HRK: variants seen among roughly 807,000 people sequenced by gnomAD.
HRK encodes the protein activator of apoptosis harakiri.
Under a neutral mutation model 5.9 loss-of-function variants are expected in HRK, and 6 were observed. That is an observed-to-expected ratio of 1.02 (90% CI 0.56 to 2.01). The LOEUF is 2.01. Ranked by LOEUF, HRK falls within the 30% of genes most tolerant of loss-of-function variation. HRK has a pLI of 0.00. For missense variants in HRK, 133 were observed against 128.3 expected (o/e 1.04, Z -0.18); for synonymous variants, 85 against 65.1 (o/e 1.31, Z -1.47).
At position 116,881,243 on chromosome 12, in the gene HRK, C is replaced by T; in HGVS notation, c.65G>A (p.Arg22His). Residue 22 changes from arginine (R) to histidine (H), a missense_variant, in exon 1 of 2, where the codon CGC (arginine) becomes CAC (histidine). Arg to His is a conservative substitution (Grantham distance 29). Coordinates refer to ENST00000257572, the MANE Select transcript of HRK (RefSeq NM_003806.4). ...PPAVCACSAGRLGLRSSAAQL... is the reference protein window; with the variant it reads ...PPAVCACSAGHLGLRSSAAQL... ...CGCGGCGGACGAGCGCAGCCCCAGG[C>T]GACCCGCGCTGCAGGCGCACACGGC... 2.7e-6 allele frequency: 3 copies of T among 1,099,372 alleles called. No individual in the cohort carries two copies. The highest frequency in any genetic ancestry group is 3.3e-6 in the Non-Finnish European group (3 of 905,242). The allele number at this position is 1,099,372 out of a possible 1,614,324, so 68.1% of individuals were successfully genotyped here.
Position 116,862,096 on chromosome 12 carries a change from G to A in HRK, c.*57-630C>T, listed in dbSNP as rs577669017. ...ACGTGGTCTATAGGAGCCCAGGGGA[G>A]GCAGCTCATAAGGGAGACAAAGCAG... On this transcript the variant is annotated intron_variant, in intron 1 of 1. Transcript: ENST00000257572. This position sits in a 1 kb window ranked among gnomAD's most constrained non-coding sequence, Gnocchi z 4.0. Among the ~76,000 whole-genome samples the A allele has an allele frequency of 6.2e-4, 94 of 152,296 alleles. No homozygotes were observed. The highest frequency in any genetic ancestry group is 2.0e-3 in the African/African-American group (84 of 41,562).
rs552006144 is a variant in HRK at position 116,862,411 on chromosome 12, T to C, written c.*57-945A>G. 1.4e-3 allele frequency among the ~76,000 whole-genome samples: 210 copies of C among 152,246 alleles called. 1 individual carries two copies. The highest frequency in any genetic ancestry group is 3.5e-3 in the Admixed American group (53 of 15,298). On this transcript the variant is annotated intron_variant, in intron 1 of 1. Coordinates refer to ENST00000257572, the MANE Select transcript of HRK (RefSeq NM_003806.4). The surrounding 1 kb of genome is among the most constrained non-coding windows in gnomAD (Gnocchi z 4.0). ...CAAAAAGGAATGAAGTATTGATACGTGAAGATGGATGAACCTTGAAGGCAT... is the reference window on the plus strand; with the variant it reads ...CAAAAAGGAATGAAGTATTGATACGCGAAGATGGATGAACCTTGAAGGCAT...
Position 116,878,444 on chromosome 12 carries a change from T to G in HRK, c.*56+2532A>C, listed in dbSNP as rs1445810339. ...TTCCTCCGGTGATTTTTCTTTCCCC[T>G]TTACTTAACTTACCAGAGCTGGGAA... On this transcript the variant is annotated intron_variant, in intron 1 of 1. Transcript: ENST00000257572. This position sits in a 1 kb window ranked among gnomAD's most constrained non-coding sequence, Gnocchi z 4.4. 1 of 152,266 alleles carries G rather than the reference T, an allele frequency of 6.6e-6. No homozygotes were observed. The highest frequency in any genetic ancestry group is 1.5e-5 in the Non-Finnish European group (1 of 68,088). 9.4% of individuals were successfully genotyped at this position (152,266 alleles called of 1,614,324 possible).
Position 116,858,737 on chromosome 12 carries a change from A to G in HRK, c.*2786T>C, listed in dbSNP as rs1309422479. On this transcript the variant is annotated 3_prime_UTR_variant, in exon 2 of 2. Coordinates refer to ENST00000257572, the MANE Select transcript of HRK (RefSeq NM_003806.4). Reference sequence around the variant, plus strand: ...TCTGCAGTGAAGCTAATCAAAATCAATGACTCCTTGGCAGCCAGAGAAAAG... The same window carrying G: ...TCTGCAGTGAAGCTAATCAAAATCAGTGACTCCTTGGCAGCCAGAGAAAAG... 2 of 151,498 alleles carry G rather than the reference A, an allele frequency of 1.3e-5. No homozygotes were observed. The highest frequency in any genetic ancestry group is 2.9e-5 in the Non-Finnish European group (2 of 67,940). 9.4% of individuals were successfully genotyped at this position (151,498 alleles called of 1,614,324 possible). A position where few individuals can be genotyped will look rare whatever the true frequency, so the allele number is the denominator to read the frequency against.
At chr12:116,874,047 G>A (rs1003629966) in intron 1 of HRK, among the ~76,000 whole-genome samples, 1 of 152,200 alleles carries the variant, frequency 6.6e-6, no homozygotes, top group Non-Finnish European at 1.5e-5. Context: ...GTGGGCATGA[G>A]TGAGTTGGTT....
In HRK at chr12:116,858,602, A is replaced by C. The variant is rs1427341713; in HGVS notation, c.*2921T>G. The C allele has an allele frequency of 6.6e-6, 1 of 151,216 alleles. No individual in the cohort carries two copies. Among genetic ancestry groups the C allele is most frequent in the African/African-American group, 2.4e-5 (1 of 40,954 alleles). 9.4% of individuals were successfully genotyped at this position (151,216 alleles called of 1,614,324 possible). A position where few individuals can be genotyped will look rare whatever the true frequency, so the allele number is the denominator to read the frequency against. ...CACACACACACACACACACACACAC[A>C]CACACACACACACACACACACTGCT... is the stretch of plus-strand genomic sequence containing the variant. On this transcript the variant is annotated 3_prime_UTR_variant, in exon 2 of 2. Coordinates refer to ENST00000257572, the MANE Select transcript of HRK (RefSeq NM_003806.4).
At chr12:116,863,072 G>A (rs1277061580) in intron 1 of HRK, among the ~76,000 whole-genome samples, 1 of 152,168 alleles carries the variant, frequency 6.6e-6, no homozygotes, top group Admixed American at 6.5e-5. Flanking sequence ...TAAGTTAGCG[G>A]GGGAGATAAG....
intron 1 of HRK, among the ~76,000 whole-genome samples, chr12:116,877,076 A>G (rs1292485172): frequency 6.6e-6 from 1 of 152,176 alleles, no homozygotes; most frequent in Non-Finnish European, 1.5e-5. Context: ...TTGAGACAAG[A>G]GTCTCACTTT....
intron 1 of HRK, among the ~76,000 whole-genome samples, chr12:116,880,327 G>T (rs776508721): frequency 6.6e-6 from 1 of 152,196 alleles, no homozygotes; most frequent in Non-Finnish European, 1.5e-5. Flanking sequence ...TCCTTAAACA[G>T]GACACCTCAC....
chr12:116,859,585 G>A lies in HRK; in HGVS notation c.*1938C>T, dbSNP rs1242377097. 6.6e-6 allele frequency: 1 copy of A among 152,042 alleles called. No homozygotes were observed. Among genetic ancestry groups the A allele is most frequent in the Non-Finnish European group, 1.5e-5 (1 of 68,014 alleles). 9.4% of individuals were successfully genotyped at this position (152,042 alleles called of 1,614,324 possible). On this transcript the variant is annotated 3_prime_UTR_variant, in exon 2 of 2. Coordinates refer to ENST00000257572, the MANE Select transcript of HRK (RefSeq NM_003806.4). Reference sequence around the variant, plus strand: ...GTCCCCTGCAAACATCAGCTAGGGGGAGGGCACGAGTAATGAGGAGAAACA... The same window carrying A: ...GTCCCCTGCAAACATCAGCTAGGGGAAGGGCACGAGTAATGAGGAGAAACA...
In HRK at chr12:116,858,941, T is replaced by C. The variant is rs546983678; in HGVS notation, c.*2582A>G. 2.6e-5 allele frequency: 4 copies of C among 152,124 alleles called. No homozygotes were observed. The highest frequency in any genetic ancestry group is 9.6e-5 in the African/African-American group (4 of 41,494). The allele number at this position is 152,124 out of a possible 1,614,324, so 9.4% of individuals were successfully genotyped here. A position where few individuals can be genotyped will look rare whatever the true frequency, so the allele number is the denominator to read the frequency against. On this transcript the variant is annotated 3_prime_UTR_variant, in exon 2 of 2. Coordinates refer to ENST00000257572, the MANE Select transcript of HRK (RefSeq NM_003806.4). ...TTCAATTTCCTAATACAAATGTCCATCAAGAAGTCAAATCTCATATAAAAA... is the reference window on the plus strand; with the variant it reads ...TTCAATTTCCTAATACAAATGTCCACCAAGAAGTCAAATCTCATATAAAAA...
At chr12:116,876,828 A>T (rs1384874599) in intron 1 of HRK, 1 of 152,356 alleles carries the variant, frequency 6.6e-6, no homozygotes, top group Admixed American at 6.5e-5. Flanking sequence ...TCACTTGTAC[A>T]GGAATTCACT....
intron 1 of HRK, among the ~76,000 whole-genome samples, chr12:116,867,438 C>T (rs578198886): frequency 7.9e-4 from 121 of 152,220 alleles, no homozygotes; most frequent in South Asian, 2.9e-3. Context: ...GCCACTGCGC[C>T]CGGCCACAAA....
Position 116,862,187 on chromosome 12 carries a change from A to G in HRK, c.*57-721T>C, listed in dbSNP as rs1265850557. 6.6e-6 allele frequency among the ~76,000 whole-genome samples: 1 copy of G among 152,242 alleles called. No individual in the cohort carries two copies. The highest frequency in any genetic ancestry group is 2.4e-5 in the African/African-American group (1 of 41,468). ...GAGTGCCAGGAAACTAACCAGGATA[A>G]GAAAATGAGGCATCCTAGGCAGGGC... On this transcript the variant is annotated intron_variant, in intron 1 of 1. Transcript: ENST00000257572. The surrounding 1 kb of genome is among the most constrained non-coding windows in gnomAD (Gnocchi z 4.0).
At chr12:116,875,535 CT>C (rs1225305188) in intron 1 of HRK, among the ~76,000 whole-genome samples, 1 of 151,932 alleles carries the variant, frequency 6.6e-6, no homozygotes, top group Non-Finnish European at 1.5e-5. Context: ...TGCATAGTTT[CT>C]TTTTTTATTT....
Position 116,860,759 on chromosome 12 carries a change from G to C in HRK, c.*764C>G, listed in dbSNP as rs369917037. On this transcript the variant is annotated 3_prime_UTR_variant, in exon 2 of 2. Transcript: ENST00000257572. ...AAACAGCAAAATAGAAATCTCTCTT[G>C]TCCCCTGGCCTTCCAAGTCTGTCAA... 6.6e-6 allele frequency: 1 copy of C among 150,690 alleles called. No individual in the cohort carries two copies. Among genetic ancestry groups the C allele is most frequent in the African/African-American group, 2.4e-5 (1 of 40,954 alleles). The allele number at this position is 150,690 out of a possible 1,614,324, so 9.3% of individuals were successfully genotyped here. A position where few individuals can be genotyped will look rare whatever the true frequency, so the allele number is the denominator to read the frequency against.
chr12:116,869,121 G>A (rs894335318), intron 1 of HRK, among the ~76,000 whole-genome samples: 31 of 152,064 alleles, frequency 2.0e-4, no homozygotes, highest in Non-Finnish European at 1.0e-4. Context: ...CTACAGGTGT[G>A]TGCCACAATG....
In HRK at chr12:116,881,401, G is replaced by C. The variant is rs901442958; in HGVS notation, c.-94C>G. 1.6e-5 allele frequency: 16 copies of C among 989,570 alleles called. No homozygotes were observed. Among genetic ancestry groups the C allele is most frequent in the Non-Finnish European group, 1.9e-5 (16 of 827,662 alleles). The allele number at this position is 989,570 out of a possible 1,614,324, so 61.3% of individuals were successfully genotyped here. A position where few individuals can be genotyped will look rare whatever the true frequency, so the allele number is the denominator to read the frequency against. ...CCGCTGCCGCCGCGCTCCAGCCGCCGGGGGCCTCCCCTGGACACCAAGTTT... is the reference window on the plus strand; with the variant it reads ...CCGCTGCCGCCGCGCTCCAGCCGCCCGGGGCCTCCCCTGGACACCAAGTTT... On this transcript the variant is annotated 5_prime_UTR_variant, in exon 1 of 2. Coordinates refer to ENST00000257572, the MANE Select transcript of HRK (RefSeq NM_003806.4).
At chr12:116,876,744 A>G (rs1016443231) in intron 1 of HRK, 1 of 152,132 alleles carries the variant, frequency 6.6e-6, no homozygotes, top group African/African-American at 2.4e-5. Context: ...TGACTGGTTA[A>G]ATCATACCCA....
Sources: gnomAD v4.1 joint callset for allele counts (sites outside exome capture counted in the v4.1 genomes callset) on GRCh38, gnomAD v4.1.1 for gene constraint, Gnocchi (gnomAD v3.1) non-coding constraint, MANE v1.5 for transcripts, NCBI Gene and HGNC (gene_info 2026-07-23, HGNC 2026-07-21) for gene names.